The following SNURF variants were observed in gnomAD, a reference collection of about 807,000 sequenced individuals.
SNURF encodes the protein SNRPN upstream open reading frame, also known as SNURF protein.
A neutral mutation model predicts 11.6 loss-of-function variants in SNURF; 6 were observed. That is an observed-to-expected ratio of 0.52 (90% confidence interval 0.28 to 1.02). SNURF has a LOEUF of 1.02. Among genes scored for constraint, SNURF ranks in the 50% least tolerant of loss-of-function variants. The pLI, the probability that SNURF is intolerant of heterozygous loss-of-function variation, is 0.09. For synonymous variants in SNURF, 29 were observed against 31.6 expected (o/e 0.92, Z 0.27); for missense variants, 84 against 88.4 (o/e 0.95, Z 0.20).
chr15:24,956,432 C>G (rs4906939), intron 1 of SNURF, among the ~76,000 whole-genome samples: 6 of 150,572 alleles, frequency 4.0e-5, no homozygotes, highest in African/African-American at 1.5e-4. Context: ...TCTGCTGTTT[C>G]GGAGTTTCAG....
intron 1 of SNURF, among the ~76,000 whole-genome samples, chr15:24,956,713 G>C (rs2062977968): frequency 6.6e-6 from 1 of 152,202 alleles, no homozygotes; most frequent in East Asian, 1.9e-4. Flanking sequence ...GGGGAGGAGG[G>C]AGATGGGTTG....
intron 1 of SNURF, among the ~76,000 whole-genome samples, chr15:24,960,735 AT>A (rs1323039613): frequency 6.6e-6 from 1 of 152,128 alleles, no homozygotes; most frequent in Admixed American, 6.6e-5. Flanking sequence ...TTGCCCTTTT[AT>A]TGTTGAGTTG....
chr15:24,974,431 T>C, intron 3 of SNURF: 1 of 1,612,872 alleles, frequency 6.2e-7, no homozygotes, highest in Non-Finnish European at 8.5e-7. Flanking sequence ...ACTGTGGACA[T>C]TGGATTTGGT....
chr15:24,961,326 G>T (rs1452035306), intron 1 of SNURF, among the ~76,000 whole-genome samples: 1 of 152,144 alleles, frequency 6.6e-6, no homozygotes, highest in Non-Finnish European at 1.5e-5. Context: ...AGGGTTCAGA[G>T]AATTATTAAT....
chr15:24,956,065 G>A (rs2062810397), intron 1 of SNURF, among the ~76,000 whole-genome samples: 1 of 152,122 alleles, frequency 6.6e-6, no homozygotes, highest in Non-Finnish European at 1.5e-5. Flanking sequence ...TGCCGCAGGG[G>A]CTGCAGAAAT....
downstream of SNURF, among the ~76,000 whole-genome samples, chr15:24,972,433 T>A (rs2153649935): frequency 6.6e-6 from 1 of 152,262 alleles, no homozygotes; most frequent in African/African-American, 2.4e-5. Flanking sequence ...CTTTGTTTGC[T>A]TATTTGAAAA....
chr15:24,962,261 T>G, intron 2 of SNURF, 52 bp downstream of exon 2: 1 of 1,446,520 alleles, frequency 6.9e-7, no homozygotes, highest in East Asian at 2.3e-5. Context: ...TCCTTTCAGA[T>G]TAGAACAAAA....
chr15:24,962,239 C>T (rs775243777), intron 2 of SNURF, 30 bp downstream of exon 2: 1 of 1,564,712 alleles, frequency 6.4e-7, no homozygotes, highest in Non-Finnish European at 8.8e-7. Context: ...GGAACAAATG[C>T]AAGTCAGAAT....
intron 1 of SNURF, among the ~76,000 whole-genome samples, chr15:24,960,148 C>A (rs2074536834): frequency 6.6e-6 from 1 of 151,562 alleles, no homozygotes; most frequent in Admixed American, 6.6e-5. Context: ...GCCTGTAATC[C>A]CAGCTACTTT....
intron 1 of SNURF, among the ~76,000 whole-genome samples, chr15:24,957,573 C>G (rs2063132874): frequency 6.6e-6 from 1 of 152,160 alleles, no homozygotes; most frequent in Admixed American, 6.5e-5. Context: ...TCTGTATTTA[C>G]ATTTTCCCTC....
At chr15:24,968,049 A>T in exon 3 of SNURF, 1 of 1,611,792 alleles carries the variant, frequency 6.2e-7, no homozygotes, top group Non-Finnish European at 8.5e-7. Flanking sequence ...GCCATATTGG[A>T]GTAGCGAGGA....
At chr15:24,972,139 C>T (rs559491105), downstream of SNURF, among the ~76,000 whole-genome samples, 766 of 151,812 alleles carry the variant, frequency 5.0e-3, 5 homozygotes, top group African/African-American at 0.017. Context: ...GCCTGTAATC[C>T]TAGCTACTCA....
intron 3 of SNURF, chr15:24,975,106 G>A (rs34842555): frequency 0.062 from 38,906 of 632,026 alleles, 1,509 homozygotes; most frequent in Non-Finnish European, 0.08. Flanking sequence ...AGCATGCATC[G>A]TCACAGAGAA....
chr15:24,959,735 A>G (rs533232202), intron 1 of SNURF, among the ~76,000 whole-genome samples: 6 of 152,210 alleles, frequency 3.9e-5, no homozygotes, highest in Non-Finnish European at 8.8e-5. Flanking sequence ...TATGGCTGAA[A>G]GACATTCGTT....
At position 24,962,111 on chromosome 15, in the gene SNURF, C is replaced by T. The variant is rs2074934399; in HGVS notation, c.15-3C>T. The T allele has an allele frequency of 6.2e-7, 1 of 1,613,710 alleles. No individual in the cohort carries two copies. The highest frequency in any genetic ancestry group is 1.3e-5 in the African/African-American group (1 of 74,888). On this transcript the variant is annotated splice_region_variant and splice_polypyrimidine_tract_variant and intron_variant, in intron 1 of 2. Coordinates refer to ENST00000577949, the Ensembl canonical transcript of SNURF. ...AAACAAATGCCTCTCTTTTCTGTTT[C>T]AGGGATCGCTTACACCTGAGACGAA...
At chr15:24,957,257 T>C (rs1387758638) in intron 1 of SNURF, among the ~76,000 whole-genome samples, 1 of 152,182 alleles carries the variant, frequency 6.6e-6, no homozygotes, top group African/African-American at 2.4e-5. Flanking sequence ...CCGACTAAGG[T>C]TGAAAGGTGT....
downstream of SNURF, among the ~76,000 whole-genome samples, chr15:24,972,514 T>C (rs72695316): frequency 4.0e-3 from 600 of 151,500 alleles, 2 homozygotes; most frequent in Non-Finnish European, 7.1e-3. Context: ...TCATGGCCAC[T>C]GAATGACAGC....
At chr15:24,966,175 TC>T (rs1436914479) in intron 2 of SNURF, among the ~76,000 whole-genome samples, 1 of 152,164 alleles carries the variant, frequency 6.6e-6, no homozygotes, top group East Asian at 1.9e-4. Flanking sequence ...CACCCACACT[TC>T]CGACCAACAG....
chr15:24,975,408 A>G, exon 4 of SNURF: 1 of 1,613,118 alleles, frequency 6.2e-7, no homozygotes, highest in South Asian at 1.1e-5. Context: ...ATAGAATGAG[A>G]TGTATCCTGC....
Sources: gnomAD v4.1 joint callset for allele counts (sites outside exome capture counted in the v4.1 genomes callset) on GRCh38, gnomAD v4.1.1 for gene constraint, MANE v1.5 for transcripts, NCBI Gene and HGNC (gene_info 2026-07-23, HGNC 2026-07-21) for gene names.